SGCD: variants seen among roughly 807,000 people sequenced by gnomAD.
SGCD encodes the protein sarcoglycan delta.
In SGCD, 18 loss-of-function variants were observed where a neutral mutation model predicts 36.6. That is an observed-to-expected ratio of 0.49 (90% CI 0.34 to 0.73). SGCD has a LOEUF of 0.73. Among genes scored for constraint, SGCD ranks in the 30% least tolerant of loss-of-function variants. The probability of loss-of-function intolerance (pLI) is 0.01; values close to 1 mark genes in which losing one functional copy is unlikely to be tolerated. For synonymous variants in SGCD, 133 were observed against 130.6 expected, an observed-to-expected ratio of 1.02 and a Z score of -0.12; for missense variants, 387 against 346.7, an observed-to-expected ratio of 1.12 and a Z score of -0.92.
At chr5:156,517,446 A>T (rs1757224320) in intron 4 of SGCD, among the ~76,000 whole-genome samples, 1 of 152,212 alleles carries the variant, frequency 6.6e-6, no homozygotes, top group South Asian at 2.1e-4. Flanking sequence ...GAACTTCCCC[A>T]ACCTAGAAAG....
At position 156,766,976 on chromosome 5, in the gene SGCD, TG is replaced by T. The variant is rs1181479213; in HGVS notation, c.*7588del. 1 of 152,202 alleles carries T rather than the reference TG, an allele frequency of 6.6e-6. No homozygotes were observed. The highest frequency in any genetic ancestry group is 6.5e-5 in the Admixed American group (1 of 15,270). The allele number at this position is 152,202 out of a possible 1,614,324, so 9.4% of individuals were successfully genotyped here. A position where few individuals can be genotyped will look rare whatever the true frequency, so the allele number is the denominator to read the frequency against. On this transcript the variant is annotated 3_prime_UTR_variant, in exon 9 of 9. Transcript: ENST00000337851. ...CTCAGCCCCAGTGCCAGTGCTTTCC[TG>T]GTTCAACAACCCACCACAAAACCTT...
chr5:156,702,721 C>A (rs773978470), intron 7 of SGCD, among the ~76,000 whole-genome samples: 4 of 151,746 alleles, frequency 2.6e-5, no homozygotes, highest in African/African-American at 4.8e-5. Flanking sequence ...TTTTTGTTAC[C>A]CTTCTTACTA....
At chr5:155,904,028 T>G in intron 1 of SGCD, among the ~76,000 whole-genome samples, 1 of 152,148 alleles carries the variant, frequency 6.6e-6, no homozygotes, top group South Asian at 2.1e-4. Context: ...CCCAGTGAAG[T>G]GCTCACTCTG....
chr5:156,386,152 T>C (rs1400024121), intron 3 of SGCD, among the ~76,000 whole-genome samples: 1 of 152,298 alleles, frequency 6.6e-6, no homozygotes, highest in East Asian at 1.9e-4. Context: ...ACAAGTGTTT[T>C]TGAAGCACTG....
chr5:156,519,354 A>C (rs1270466371), intron 4 of SGCD, among the ~76,000 whole-genome samples: 1 of 146,358 alleles, frequency 6.8e-6, no homozygotes, highest in African/African-American at 2.7e-5. Context: ...ACCAACAAAA[A>C]AACAAACAAA....
the SGCD span, among the ~76,000 whole-genome samples, chr5:155,803,781 A>G: frequency 6.6e-6 from 1 of 152,194 alleles, no homozygotes; most frequent in Non-Finnish European, 1.5e-5. Context: ...AAATATCTGT[A>G]TCTGAGGGCA....
chr5:156,731,176 T>G (rs1429190188), intron 7 of SGCD, among the ~76,000 whole-genome samples: 1 of 152,182 alleles, frequency 6.6e-6, no homozygotes, highest in East Asian at 1.9e-4. Flanking sequence ...AAGCAAATTT[T>G]GCAAAAATGT....
intron 1 of SGCD, among the ~76,000 whole-genome samples, chr5:155,961,501 TG>T (rs1338212455): frequency 1.3e-5 from 2 of 152,144 alleles, no homozygotes; most frequent in Admixed American, 1.3e-4. Context: ...GGCATTTAAT[TG>T]GTCGGCAGTT....
At chr5:156,342,166 T>G (rs774980966) in intron 2 of SGCD, among the ~76,000 whole-genome samples, 33 of 152,252 alleles carry the variant, frequency 2.2e-4, no homozygotes, top group Admixed American at 4.6e-4. Context: ...CTCCATCCTC[T>G]TATAAACATT....
chr5:155,890,926 G>A lies in SGCD; in HGVS notation c.-282+20502G>A, dbSNP rs76024084. Reference sequence around the variant, plus strand: ...TCATATGCCCATACTGCTCTCAAGAGACAGCAGAAGAAACTGATTATCAGC... The same window carrying A: ...TCATATGCCCATACTGCTCTCAAGAAACAGCAGAAGAAACTGATTATCAGC... On this transcript the variant is annotated intron_variant, in intron 1 of 9. Transcript: ENST00000517913. Among the ~76,000 whole-genome samples the A allele has an allele frequency of 5.9e-5, 9 of 152,254 alleles. No homozygotes were observed. The East Asian group carries it at 1.5e-3, about 26-fold the overall frequency.
At chr5:155,958,139 G>A (rs1214804543) in intron 1 of SGCD, among the ~76,000 whole-genome samples, 3 of 152,088 alleles carry the variant, frequency 2.0e-5, no homozygotes, top group East Asian at 1.9e-4. Flanking sequence ...CATCTGTCCT[G>A]CTTACCCCAG....
intron 3 of SGCD, among the ~76,000 whole-genome samples, chr5:156,287,839 C>T (rs1019336335): frequency 6.6e-5 from 10 of 152,084 alleles, no homozygotes; most frequent in Admixed American, 4.6e-4. Flanking sequence ...TTTGAGCCTG[C>T]AGTGAGCTAG....
chr5:155,871,652 A>C (rs1009907222), intron 1 of SGCD, among the ~76,000 whole-genome samples: 3 of 152,170 alleles, frequency 2.0e-5, no homozygotes, highest in African/African-American at 7.2e-5. Flanking sequence ...TGTAGCAGGC[A>C]CTGTGTTATG....
intron 1 of SGCD, among the ~76,000 whole-genome samples, chr5:156,104,051 C>T (rs991179799): frequency 3.3e-5 from 5 of 151,954 alleles, no homozygotes; most frequent in African/African-American, 1.2e-4. Flanking sequence ...CTTTTGGAAA[C>T]ATTATTATTT....
chr5:155,955,677 G>T (rs1581010556), intron 1 of SGCD, among the ~76,000 whole-genome samples: 1 of 152,100 alleles, frequency 6.6e-6, no homozygotes. Flanking sequence ...ACACACACAT[G>T]AGCATGTTGC....
chr5:156,758,049 C>A, intron 8 of SGCD: 4 of 1,012,748 alleles, frequency 3.9e-6, no homozygotes, highest in Non-Finnish European at 3.6e-6. Flanking sequence ...ACACATCTGG[C>A]TCAAGATGAA....
intron 1 of SGCD, among the ~76,000 whole-genome samples, chr5:156,015,815 C>T (rs1244708806): frequency 1.3e-5 from 2 of 150,800 alleles, no homozygotes; most frequent in Non-Finnish European, 3.0e-5. Flanking sequence ...CACACACACA[C>T]ACAGTGCACT....
chr5:156,466,414 C>T (rs1234518478), intron 3 of SGCD, among the ~76,000 whole-genome samples: 4 of 152,162 alleles, frequency 2.6e-5, no homozygotes, highest in Non-Finnish European at 5.9e-5. Flanking sequence ...TGACGACTAT[C>T]GGGCGTTCAA....
chr5:155,901,405 G>A (rs1002280150), intron 1 of SGCD, among the ~76,000 whole-genome samples: 3 of 152,138 alleles, frequency 2.0e-5, no homozygotes, highest in Admixed American at 1.3e-4. Flanking sequence ...ATAAATTAAG[G>A]TGCTCAGATT....
Sources: allele counts gnomAD v4.1 joint callset (sites outside exome capture counted in the v4.1 genomes callset), GRCh38; gene constraint gnomAD v4.1.1; transcripts MANE v1.5; gene names NCBI Gene and HGNC (gene_info 2026-07-23, HGNC 2026-07-21).